MSRA: variants seen among roughly 807,000 people sequenced by gnomAD.
The protein encoded by MSRA is methionine sulfoxide reductase A, also known as mitochondrial peptide methionine sulfoxide reductase.
MSRA carries 54 observed loss-of-function variants against 31.3 expected under a neutral mutation model. The observed-to-expected ratio is 1.73, with a 90% CI of 1.39 to 2.17. The LOEUF (loss-of-function observed/expected upper bound fraction) is 2.17, where lower values mean the gene tolerates loss of function less well. MSRA is among the 30% of genes most tolerant of loss of function. The pLI, the probability that MSRA is intolerant of heterozygous loss-of-function variation, is 0.00. For synonymous variants in MSRA, 169 were observed against 116.5 expected, an observed-to-expected ratio of 1.45 and a Z score of -2.90; for missense variants, 507 against 300.9, an observed-to-expected ratio of 1.69 and a Z score of -5.07.
At chr8:10,078,650 A>G (rs560399708) in intron 1 of MSRA, among the ~76,000 whole-genome samples, 7 of 152,382 alleles carry the variant, frequency 4.6e-5, no homozygotes, top group African/African-American at 1.2e-4. Flanking sequence ...TTTCAGCAGG[A>G]GAGGCTGAGG....
intron 5 of MSRA, among the ~76,000 whole-genome samples, chr8:10,388,136 G>C (rs1290322329): frequency 6.6e-6 from 1 of 152,250 alleles, no homozygotes; most frequent in Non-Finnish European, 1.5e-5. Flanking sequence ...AGAAACTCAG[G>C]GATAAGTAAT....
chr8:10,217,102 T>C (rs913431981), intron 2 of MSRA, among the ~76,000 whole-genome samples: 2 of 152,350 alleles, frequency 1.3e-5, no homozygotes, highest in East Asian at 1.9e-4. Context: ...GCCATCCTAA[T>C]GGGTGTGAAA....
At chr8:10,174,134 A>T in intron 1 of MSRA, among the ~76,000 whole-genome samples, 1 of 152,150 alleles carries the variant, frequency 6.6e-6, no homozygotes, top group Non-Finnish European at 1.5e-5. Context: ...TCGGGGAAGG[A>T]GGTTAGAAGC....
chr8:10,152,198 A>G (rs1803740384), intron 1 of MSRA, among the ~76,000 whole-genome samples: 1 of 152,228 alleles, frequency 6.6e-6, no homozygotes, highest in Admixed American at 6.5e-5. Context: ...ATAGACAGAG[A>G]ACAAAACTGT....
Position 10,428,418 on chromosome 8 carries a change from C to G in MSRA, c.*106C>G. On this transcript the variant is annotated 3_prime_UTR_variant, in exon 6 of 6. Transcript: ENST00000317173. ...CGTGGCATTTAAAGTGCACAAAGTA[C>G]AAAGGAATTTATACAGATTGGGTTT... The G allele has an allele frequency of 5.7e-6, 7 of 1,229,360 alleles. No homozygotes were observed. The highest frequency in any genetic ancestry group is 8.0e-6 in the Non-Finnish European group (7 of 873,168). The allele number at this position is 1,229,360 out of a possible 1,614,324, so 76.2% of individuals were successfully genotyped here.
At chr8:10,205,460 G>T (rs946506513) in intron 1 of MSRA, among the ~76,000 whole-genome samples, 1 of 152,136 alleles carries the variant, frequency 6.6e-6, no homozygotes, top group East Asian at 1.9e-4. Flanking sequence ...TGGCACAGAA[G>T]CTGGTTTGGG....
chr8:10,205,465 T>G (rs1241117738), intron 1 of MSRA, among the ~76,000 whole-genome samples: 1 of 152,058 alleles, frequency 6.6e-6, no homozygotes, highest in East Asian at 1.9e-4. Context: ...CAGAAGCTGG[T>G]TTGGGATGGG....
chr8:10,095,896 C>T (rs954399910), intron 1 of MSRA: 3 of 1,304,956 alleles, frequency 2.3e-6, no homozygotes, highest in African/African-American at 1.5e-5. Flanking sequence ...TATGATTATA[C>T]CATGAGAGAC....
chr8:10,272,744 T>A (rs1452901631), intron 3 of MSRA, among the ~76,000 whole-genome samples: 1 of 152,218 alleles, frequency 6.6e-6, no homozygotes, highest in East Asian at 1.9e-4. Context: ...TTTATGTGTT[T>A]ATTTTTTTTA....
chr8:10,121,830 G>A (rs902297547), intron 1 of MSRA, among the ~76,000 whole-genome samples: 44 of 137,042 alleles, frequency 3.2e-4, no homozygotes, highest in South Asian at 2.5e-4. Flanking sequence ...ACCACCATAC[G>A]CAACTAATTT....
At chr8:10,055,580 A>G (rs567892866) in intron 1 of MSRA, among the ~76,000 whole-genome samples, 1 of 152,364 alleles carries the variant, frequency 6.6e-6, no homozygotes, top group South Asian at 2.1e-4. Flanking sequence ...AACAATCTCT[A>G]AAACAAGTCC....
intron 3 of MSRA, among the ~76,000 whole-genome samples, chr8:10,256,621 G>A (rs1798196076): frequency 6.6e-6 from 1 of 152,112 alleles, no homozygotes; most frequent in Non-Finnish European, 1.5e-5. Flanking sequence ...AGCCACATAA[G>A]TAAGAAGAAT....
chr8:10,329,984 A>C (rs1802595951), intron 5 of MSRA, among the ~76,000 whole-genome samples: 1 of 145,418 alleles, frequency 6.9e-6, no homozygotes, highest in South Asian at 2.3e-4. Flanking sequence ...AAGAGCTAGA[A>C]GGATATTTGG....
At chr8:10,343,845 C>A (rs1476996973) in intron 5 of MSRA, among the ~76,000 whole-genome samples, 1 of 151,982 alleles carries the variant, frequency 6.6e-6, no homozygotes, top group Non-Finnish European at 1.5e-5. Flanking sequence ...TTTTATCTAC[C>A]CAAACAAAGA....
intron 3 of MSRA, among the ~76,000 whole-genome samples, chr8:10,269,051 C>G (rs2129098985): frequency 6.6e-6 from 1 of 152,320 alleles, no homozygotes; most frequent in South Asian, 2.1e-4. Context: ...TCGTTTGTCT[C>G]CAGGTTTGAA....
At chr8:10,055,223 G>T (rs1802279431) in intron 1 of MSRA, among the ~76,000 whole-genome samples, 1 of 152,210 alleles carries the variant, frequency 6.6e-6, no homozygotes. Flanking sequence ...TGTCCCCAGG[G>T]GCAGGGGCTG....
intron 3 of MSRA, among the ~76,000 whole-genome samples, chr8:10,249,516 T>A (rs1157265983): frequency 2.6e-5 from 4 of 152,190 alleles, no homozygotes; most frequent in Non-Finnish European, 1.5e-5. Context: ...AAGTAACCTA[T>A]AATCTTCCCT....
chr8:10,206,848 T>G (rs1809028791), intron 1 of MSRA, among the ~76,000 whole-genome samples: 1 of 152,208 alleles, frequency 6.6e-6, no homozygotes, highest in African/African-American at 2.4e-5. Flanking sequence ...CAGTTGTTAT[T>G]TCTTGAAGAT....
At chr8:10,225,990 C>T (rs1456916872) in intron 2 of MSRA, among the ~76,000 whole-genome samples, 1 of 152,198 alleles carries the variant, frequency 6.6e-6, no homozygotes, top group African/African-American at 2.4e-5. Flanking sequence ...TGTGAAATTC[C>T]TCAGATTCAC....
Sources: allele counts gnomAD v4.1 joint callset (sites outside exome capture counted in the v4.1 genomes callset), GRCh38; gene constraint gnomAD v4.1.1; transcripts MANE v1.5; gene names NCBI Gene and HGNC (gene_info 2026-07-23, HGNC 2026-07-21).